Variants in SPRY3 observed in about 807,000 individuals in gnomAD.
The protein encoded by SPRY3 is sprouty RTK signaling antagonist 3.
Under a neutral mutation model 20.2 loss-of-function variants are expected in SPRY3, and 15 were observed. That is an observed-to-expected ratio of 0.74 (90% confidence interval 0.50 to 1.14). The LOEUF is 1.14. Ranked by LOEUF, SPRY3 falls within the 50% of genes most tolerant of loss-of-function variation. The pLI is 0.00. For synonymous variants in SPRY3, 143 were observed against 136.5 expected (o/e 1.05, Z -0.33); for missense variants, 364 against 363.9 (o/e 1.00, Z 0.00).
chrX:155,646,310 T>C (rs993135924), intron 1 of SPRY3, among the ~76,000 whole-genome samples: 4 of 112,348 alleles, frequency 3.6e-5, no homozygotes, highest in African/African-American at 1.3e-4. Context: ...GGATTGTTTG[T>C]TCTATTTCTG....
At chrX:155,742,247 G>C (rs1438579553) in intron 2 of SPRY3, among the ~76,000 whole-genome samples, 1 of 152,002 alleles carries the variant, frequency 6.6e-6, no homozygotes, top group Non-Finnish European at 1.5e-5. Context: ...AAAAGACAAA[G>C]GGCATTACAT....
intron 2 of SPRY3, among the ~76,000 whole-genome samples, chrX:155,747,453 C>G (rs1030065363): frequency 2.0e-5 from 3 of 151,908 alleles, no homozygotes; most frequent in Non-Finnish European, 4.4e-5. Context: ...TAAATTATCT[C>G]TAAATGGCAA....
intron 1 of SPRY3, among the ~76,000 whole-genome samples, chrX:155,624,833 C>G (rs2067883177): frequency 9.0e-6 from 1 of 111,452 alleles, no homozygotes; most frequent in Non-Finnish European, 1.9e-5. Flanking sequence ...TTTGTTCATT[C>G]AACAAATGTT....
intron 2 of SPRY3, among the ~76,000 whole-genome samples, chrX:155,739,243 TG>T (rs1443537285): frequency 2.6e-5 from 4 of 152,056 alleles, no homozygotes; most frequent in African/African-American, 9.7e-5. Flanking sequence ...CTGGGATGTG[TG>T]GGGAGGGGCT....
At chrX:155,737,103 G>A (rs769758012) in intron 2 of SPRY3, among the ~76,000 whole-genome samples, 1 of 151,944 alleles carries the variant, frequency 6.6e-6, no homozygotes, top group Non-Finnish European at 1.5e-5. Flanking sequence ...TTTGAATGTT[G>A]TTCACTTTTT....
intron 2 of SPRY3, among the ~76,000 whole-genome samples, chrX:155,730,801 C>A (rs1469119307): frequency 2.0e-5 from 3 of 151,984 alleles, no homozygotes; most frequent in Non-Finnish European, 4.4e-5. Flanking sequence ...ACTGATCAAA[C>A]AAATTCAGTA....
exon 4 of SPRY3, chrX:155,775,669 A>G (rs1427859384): frequency 1.2e-5 from 2 of 167,060 alleles, no homozygotes; most frequent in African/African-American, 4.8e-5. Flanking sequence ...TCAATAATCA[A>G]CTTATAGTGC....
At chrX:155,770,518 T>C (rs2091374135) in intron 3 of SPRY3, among the ~76,000 whole-genome samples, 2 of 152,094 alleles carry the variant, frequency 1.3e-5, no homozygotes, top group Admixed American at 1.3e-4. Context: ...TTACAATGCA[T>C]CATTCATTAC....
chrX:155,706,218 A>G (rs28865628), intron 2 of SPRY3, among the ~76,000 whole-genome samples: 8,296 of 151,208 alleles, frequency 0.055, 12 homozygotes, highest in African/African-American at 0.16. Flanking sequence ...AATCTGGAAA[A>G]ATTCCCAACT....
chrX:155,654,097 C>T (rs979430332), intron 1 of SPRY3, among the ~76,000 whole-genome samples: 12 of 111,917 alleles, frequency 1.1e-4, no homozygotes, highest in Non-Finnish European at 2.1e-4. Flanking sequence ...ATTCCTTTGA[C>T]CTTTCCCTCA....
chrX:155,733,178 G>A (rs1364617554), intron 2 of SPRY3, among the ~76,000 whole-genome samples: 1 of 151,540 alleles, frequency 6.6e-6, no homozygotes, highest in Non-Finnish European at 1.5e-5. Flanking sequence ...GTAACACAAA[G>A]GATAAATGTT....
intron 2 of SPRY3, among the ~76,000 whole-genome samples, chrX:155,748,741 C>G (rs190413923): frequency 1.9e-4 from 29 of 151,874 alleles, no homozygotes; most frequent in African/African-American, 6.3e-4. Context: ...AACCATCCAC[C>G]ATGAAGGGGA....
intron 2 of SPRY3, among the ~76,000 whole-genome samples, chrX:155,695,947 T>G (rs1214267125): frequency 9.0e-6 from 1 of 110,931 alleles, no homozygotes; most frequent in East Asian, 2.8e-4. Flanking sequence ...AGTTGGCCTG[T>G]GCTGATTATA....
At chrX:155,626,418 T>A (rs971862770) in intron 1 of SPRY3, among the ~76,000 whole-genome samples, 7 of 111,717 alleles carry the variant, frequency 6.3e-5, no homozygotes, top group Non-Finnish European at 1.1e-4. Flanking sequence ...TATTGTTGAG[T>A]TGTAAGAGCA....
At chrX:155,707,252 G>A (rs1457632552) in intron 2 of SPRY3, among the ~76,000 whole-genome samples, 2 of 151,088 alleles carry the variant, frequency 1.3e-5, no homozygotes, top group African/African-American at 2.4e-5. Context: ...TTTATGGATC[G>A]TTTGGAAGTG....
chrX:155,675,419 T>C (rs17052130), intron 2 of SPRY3, among the ~76,000 whole-genome samples: 4,114 of 110,817 alleles, frequency 0.037, 187 homozygotes, highest in African/African-American at 0.13. Flanking sequence ...GTGTGATACA[T>C]GAAAGTAATT....
At chrX:155,615,266 A>C (rs1403459546) in intron 1 of SPRY3, among the ~76,000 whole-genome samples, 2 of 112,713 alleles carry the variant, frequency 1.8e-5, no homozygotes, top group Non-Finnish European at 3.8e-5. Flanking sequence ...CTCTAGGCCA[A>C]ATTATCACCA....
intron 1 of SPRY3, among the ~76,000 whole-genome samples, chrX:155,638,487 C>T (rs2067931710): frequency 9.5e-6 from 1 of 105,208 alleles, no homozygotes; most frequent in Non-Finnish European, 1.9e-5. Flanking sequence ...ACTCTCCATC[C>T]TATTCTAATG....
rs751903429 is a variant in SPRY3, at chrX:155,770,623, G to A, written c.-107+2487G>A. ...GCTCTTATTTAATAATATGTGATGTGTACATTCTCTCTCTCTCTCTCTCTC... is the reference window on the plus strand; with the variant it reads ...GCTCTTATTTAATAATATGTGATGTATACATTCTCTCTCTCTCTCTCTCTC... On this transcript the variant is annotated intron_variant, in intron 3 of 3. Coordinates refer to ENST00000675360, the Ensembl canonical transcript of SPRY3. Among the ~76,000 whole-genome samples, 19 of 123,580 alleles carry A rather than the reference G, an allele frequency of 1.5e-4. No homozygotes were observed. In the South Asian group the frequency reaches 6.0e-3, roughly 39 times the overall value. 81.1% of individuals were successfully genotyped at this position (123,580 alleles called of 152,430 possible).
Sources: gnomAD v4.1 joint callset for allele counts (sites outside exome capture counted in the v4.1 genomes callset) on GRCh38, gnomAD v4.1.1 for gene constraint, MANE v1.5 for transcripts, NCBI Gene and HGNC (gene_info 2026-07-23, HGNC 2026-07-21) for gene names.